The following PTPDC1 variants were observed in gnomAD, a reference collection of about 807,000 sequenced individuals.
PTPDC1 encodes protein tyrosine phosphatase domain-containing protein 1.
PTPDC1 carries 53 observed loss-of-function variants against 75.3 expected under a neutral mutation model. The ratio of observed to expected loss-of-function variants is 0.70; its 90% CI spans 0.56 to 0.88. PTPDC1 has a LOEUF of 0.88. Among genes scored for constraint, PTPDC1 ranks in the 40% least tolerant of loss-of-function variants. PTPDC1 has a pLI of 0.00. For missense variants in PTPDC1, 925 were observed against 998.6 expected, an observed-to-expected ratio of 0.93 and a Z score of 0.99; for synonymous variants, 349 against 366.2, an observed-to-expected ratio of 0.95 and a Z score of 0.54.
chr9:94,049,369 G>C (rs1825715279), intron 1 of PTPDC1, among the ~76,000 whole-genome samples: 2 of 152,128 alleles, frequency 1.3e-5, no homozygotes, highest in South Asian at 2.1e-4. Flanking sequence ...TCCTTTCCAT[G>C]CTTAGTGCTT....
Position 94,089,098 on chromosome 9 carries a change from CT to C in PTPDC1, c.616+838del, listed in dbSNP as rs777026934. Reference sequence around the variant, plus strand: ...TTTTTTTTAATTTTTTTTTATTATACTTTAAGTTTTAGGGTACATGTGCACA... The same window carrying C: ...TTTTTTTTAATTTTTTTTTATTATACTTAAGTTTTAGGGTACATGTGCACA... On this transcript the variant is annotated intron_variant, in intron 4 of 8. Coordinates refer to ENST00000620992, the MANE Select transcript of PTPDC1 (RefSeq NM_001253829.2). 3.6e-5 allele frequency among the ~76,000 whole-genome samples: 5 copies of C among 137,482 alleles called. No individual in the cohort carries two copies. The East Asian group carries it at 8.4e-4, about 23-fold the overall frequency. The allele number at this position is 137,482 out of a possible 152,430, so 90.2% of individuals were successfully genotyped here.
chr9:94,095,233 G>A, intron 4 of PTPDC1, 84 bp from the exon 5 acceptor site: 1 of 1,055,192 alleles, frequency 9.5e-7, no homozygotes, highest in Non-Finnish European at 1.4e-6. Context: ...CAGTCTCAGT[G>A]TAGATCTGTG....
At position 94,098,564 on chromosome 9, in the gene PTPDC1, G is replaced by A; in HGVS notation, c.1998G>A (p.Lys666=). 1 of 1,613,186 alleles carries A rather than the reference G, an allele frequency of 6.2e-7. No homozygotes were observed. Among genetic ancestry groups the A allele is most frequent in the Non-Finnish European group, 8.5e-7 (1 of 1,179,740 alleles). ...TAGAAAAGGAGGAACTAAAAAGGAAGGTAGAAATGTGGCAGGTATTATTAG... is the reference window on the plus strand; with the variant it reads ...TAGAAAAGGAGGAACTAAAAAGGAAAGTAGAAATGTGGCAGGTATTATTAG... ...ESVEKEELKR[K]VEMWQKELNS... The change falls in exon 6 of 9, where the codon AAG becomes AAA. Residue 666 remains lysine, a synonymous_variant. Transcript: ENST00000620992.
chr9:94,047,757 A>G (rs959338764), intron 1 of PTPDC1, among the ~76,000 whole-genome samples: 5 of 152,208 alleles, frequency 3.3e-5, no homozygotes, highest in South Asian at 2.1e-4. Flanking sequence ...TCCCACAGAA[A>G]TACAAACTAC....
At chr9:94,067,644 C>T (rs1233917627) in intron 2 of PTPDC1, among the ~76,000 whole-genome samples, 2 of 152,150 alleles carry the variant, frequency 1.3e-5, no homozygotes, top group Non-Finnish European at 2.9e-5. Flanking sequence ...TTTTGTCTCC[C>T]AGGCTGGAGT....
intron 2 of PTPDC1, among the ~76,000 whole-genome samples, chr9:94,086,315 T>A (rs1827072453): frequency 6.6e-6 from 1 of 152,168 alleles, no homozygotes; most frequent in Non-Finnish European, 1.5e-5. Context: ...GACAAGAAAA[T>A]TTCTAATAAT....
At chr9:94,050,382 A>T (rs150132491) in intron 1 of PTPDC1, among the ~76,000 whole-genome samples, 2 of 152,084 alleles carry the variant, frequency 1.3e-5, no homozygotes, top group Non-Finnish European at 2.9e-5. Context: ...TGACGTACAG[A>T]TGGGGTTTTG....
chr9:94,057,909 T>C (rs1292144277), intron 1 of PTPDC1, among the ~76,000 whole-genome samples: 3 of 152,196 alleles, frequency 2.0e-5, no homozygotes, highest in Non-Finnish European at 4.4e-5. Context: ...TAAGAGAAAT[T>C]AGATATTTAT....
rs1825914920 is a variant in PTPDC1 at position 94,055,799 on chromosome 9, G to A, written c.-6-8935G>A. Among the ~76,000 whole-genome samples, 4 of 152,132 alleles carry A rather than the reference G, an allele frequency of 2.6e-5. No homozygotes were observed. In the South Asian group the frequency reaches 8.3e-4, roughly 32 times the overall value. Reference sequence around the variant, plus strand: ...TCCCAGGGTTTCAAGGAGAGGGAGAGATTAATAGTTGGAGCACAGAAGATT... The same window carrying A: ...TCCCAGGGTTTCAAGGAGAGGGAGAAATTAATAGTTGGAGCACAGAAGATT... On this transcript the variant is annotated intron_variant, in intron 1 of 9. Transcript: ENST00000375360.
At chr9:94,044,554 C>T (rs1453906070) in intron 1 of PTPDC1, among the ~76,000 whole-genome samples, 1 of 152,134 alleles carries the variant, frequency 6.6e-6, no homozygotes, top group Non-Finnish European at 1.5e-5. Context: ...ATGTGGCCTG[C>T]ATCAGTTTGC....
intron 1 of PTPDC1, among the ~76,000 whole-genome samples, chr9:94,061,839 A>G (rs1826150772): frequency 6.6e-6 from 1 of 152,200 alleles, no homozygotes; most frequent in Non-Finnish European, 1.5e-5. Context: ...GGGAGGGGCT[A>G]CCTGGAAGGT....
At chr9:94,091,934 C>T (rs559446636) in intron 4 of PTPDC1, among the ~76,000 whole-genome samples, 7,647 of 151,392 alleles carry the variant, frequency 0.051, 286 homozygotes, top group Non-Finnish European at 0.07. Flanking sequence ...GTGATATCCC[C>T]TTTATCATTT....
chr9:94,032,040 G>A (rs999440428), intron 1 of PTPDC1, among the ~76,000 whole-genome samples: 5 of 152,162 alleles, frequency 3.3e-5, no homozygotes, highest in East Asian at 1.9e-4. Context: ...ACAAAGTGTC[G>A]TTTCATTTAC....
At chr9:94,050,625 TG>T (rs944554319) in intron 1 of PTPDC1, among the ~76,000 whole-genome samples, 1 of 152,158 alleles carries the variant, frequency 6.6e-6, no homozygotes, top group African/African-American at 2.4e-5. Flanking sequence ...CTGCCCCTAC[TG>T]GGGGGTGCCT....
At position 94,109,816 on chromosome 9, in the gene PTPDC1, A is replaced by T. The variant is rs1057062085; in HGVS notation, c.*1872A>T. 6.6e-6 allele frequency: 1 copy of T among 152,354 alleles called. No homozygotes were observed. The highest frequency in any genetic ancestry group is 2.4e-5 in the African/African-American group (1 of 41,586). 9.4% of individuals were successfully genotyped at this position (152,354 alleles called of 1,614,324 possible). Reference sequence around the variant, plus strand: ...GAAATTAATCAGGCTATACATAAGTATTGTATTTATTTGAATAAAAATAAA... The same window carrying T: ...GAAATTAATCAGGCTATACATAAGTTTTGTATTTATTTGAATAAAAATAAA... On this transcript the variant is annotated 3_prime_UTR_variant, in exon 9 of 9. Transcript: ENST00000620992.
upstream of PTPDC1, among the ~76,000 whole-genome samples, chr9:94,080,988 CTTTTTCT>C (rs1195812216): frequency 1.3e-3 from 164 of 127,542 alleles, 1 homozygote; most frequent in African/African-American, 4.8e-3. Context: ...TTTTCTTTTT[CTTTTTCT>C]TTTTTTTTTT....
intron 2 of PTPDC1, among the ~76,000 whole-genome samples, chr9:94,077,761 C>T (rs900946621): frequency 2.6e-5 from 4 of 152,190 alleles, no homozygotes; most frequent in African/African-American, 9.7e-5. Flanking sequence ...CTTCAGCCCT[C>T]TCCCCTCCCC....
In PTPDC1 at chr9:94,101,631, A is replaced by G. The variant is rs1406620949; in HGVS notation, c.2079A>G (p.Leu693=). 1.2e-6 allele frequency: 2 copies of G among 1,613,838 alleles called. No homozygotes were observed. Among genetic ancestry groups the G allele is most frequent in the African/African-American group, 1.3e-5 (1 of 74,880 alleles). ...RICGERDPFI[L]CSLMWSWVEQ... is the part of the protein sequence containing the mutation. Reference sequence around the variant, plus strand: ...GTGGCGAGAGGGACCCTTTCATCCTATGCAGCTTGATGTGGTCTTGGGTGG... The same window carrying G: ...GTGGCGAGAGGGACCCTTTCATCCTGTGCAGCTTGATGTGGTCTTGGGTGG... The change falls in exon 7 of 9, where the codon CTA becomes CTG. Residue 693 remains leucine, a synonymous_variant. Coordinates refer to ENST00000620992, the MANE Select transcript of PTPDC1 (RefSeq NM_001253829.2).
intron 1 of PTPDC1, among the ~76,000 whole-genome samples, chr9:94,060,517 A>T (rs973691972): frequency 1.3e-5 from 2 of 152,224 alleles, no homozygotes; most frequent in African/African-American, 4.8e-5. Context: ...CCGTTGCTAT[A>T]AAGGAATACC....
Sources: gnomAD v4.1 joint callset for allele counts (sites outside exome capture counted in the v4.1 genomes callset) on GRCh38, gnomAD v4.1.1 for gene constraint, MANE v1.5 for transcripts, NCBI Gene and HGNC (gene_info 2026-07-23, HGNC 2026-07-21) for gene names.